Variants in ASPH observed in about 807,000 individuals in gnomAD.
ASPH encodes the protein aspartate beta-hydroxylase.
ASPH carries 100 observed loss-of-function variants against 118.4 expected under a neutral mutation model. That is an observed-to-expected ratio of 0.84 (90% CI 0.72 to 1.00). The LOEUF (loss-of-function observed/expected upper bound fraction) is 1.00. Among genes scored for constraint, ASPH ranks in the 50% least tolerant of loss-of-function variants. The pLI is 0.00. For synonymous variants in ASPH, 315 were observed against 325.6 expected (o/e 0.97, Z 0.35); for missense variants, 920 against 919.5 (o/e 1.00, Z -0.01).
chr8:61,638,686 G>A (rs1282324696), intron 10 of ASPH, among the ~76,000 whole-genome samples: 1 of 152,040 alleles, frequency 6.6e-6, no homozygotes, highest in East Asian at 1.9e-4. Context: ...GGTGTTCATG[G>A]GCAGATTCCC....
At chr8:61,553,259 A>G (rs1826670030) in intron 19 of ASPH, 139 bp from the exon 20 acceptor site, 1 of 616,972 alleles carries the variant, frequency 1.6e-6, no homozygotes, top group Admixed American at 3.0e-5. Context: ...AACTTTGGGA[A>G]TGAGGTTACT....
intron 15 of ASPH, chr8:61,578,946 T>G: frequency 6.2e-7 from 1 of 1,611,314 alleles, no homozygotes; most frequent in Non-Finnish European, 8.5e-7. Context: ...CTCGGACACA[T>G]CTGTGGTGCT....
At chr8:61,624,135 C>T in intron 13 of ASPH, 1 of 749,524 alleles carries the variant, frequency 1.3e-6, no homozygotes, top group Non-Finnish European at 1.6e-6. Context: ...TTACTATAGC[C>T]AACAATAATT....
Position 61,538,524 on chromosome 8 carries a change from A to G in ASPH, c.1764+9547T>C, listed in dbSNP as rs374403760. Among the ~76,000 whole-genome samples the G allele has an allele frequency of 4.6e-5, 7 of 152,214 alleles. No homozygotes were observed. The East Asian group carries it at 1.3e-3, about 29-fold the overall frequency. ...GCTTTCTCAAATTATTTCATTTCAA[A>G]AGCAGTCCAGTGAAAACATTCAAGT... On this transcript the variant is annotated intron_variant, in intron 21 of 24. Coordinates refer to ENST00000379454, the MANE Select transcript of ASPH (RefSeq NM_004318.4).
chr8:61,683,009 T>C (rs150892943), intron 2 of ASPH, among the ~76,000 whole-genome samples: 4 of 152,238 alleles, frequency 2.6e-5, no homozygotes, highest in Non-Finnish European at 5.9e-5. Flanking sequence ...TGTGCCCATA[T>C]GATGGAATAT....
chr8:61,588,500 C>T (rs1289355897), intron 14 of ASPH, among the ~76,000 whole-genome samples: 1 of 152,224 alleles, frequency 6.6e-6, no homozygotes, highest in Non-Finnish European at 1.5e-5. Flanking sequence ...CTTCACATTA[C>T]TCTATGTCCT....
chr8:61,612,397 A>G (rs1039507267), intron 14 of ASPH, among the ~76,000 whole-genome samples: 4 of 150,280 alleles, frequency 2.7e-5, no homozygotes, highest in South Asian at 2.1e-4. Flanking sequence ...TTTTTGAGCC[A>G]AAGTCTTGCT....
chr8:61,593,910 T>C (rs1841865393), intron 14 of ASPH, among the ~76,000 whole-genome samples: 1 of 152,218 alleles, frequency 6.6e-6, no homozygotes, highest in Non-Finnish European at 1.5e-5. Context: ...AAAATTCTAA[T>C]AATCTTGGTG....
At chr8:61,544,869 T>A (rs1167091575) in intron 21 of ASPH, among the ~76,000 whole-genome samples, 2 of 152,186 alleles carry the variant, frequency 1.3e-5, no homozygotes, top group East Asian at 3.8e-4. Flanking sequence ...TTTGGCTTTA[T>A]GCAAAGGACT....
intron 14 of ASPH, among the ~76,000 whole-genome samples, chr8:61,587,814 T>C (rs920227467): frequency 3.3e-5 from 5 of 152,160 alleles, no homozygotes; most frequent in Admixed American, 6.5e-5. Flanking sequence ...GAGGCAATTT[T>C]CCCAACTGCT....
chr8:61,557,334 C>T (rs914813534), intron 18 of ASPH, among the ~76,000 whole-genome samples: 2 of 152,116 alleles, frequency 1.3e-5, no homozygotes, highest in Admixed American at 6.5e-5. Context: ...CCTGCCCCTG[C>T]CCCTCCCAGC....
chr8:61,563,305 G>A (rs1307240690), intron 17 of ASPH, among the ~76,000 whole-genome samples: 10 of 151,992 alleles, frequency 6.6e-5, no homozygotes, highest in African/African-American at 1.9e-4. Flanking sequence ...TATGCAATTC[G>A]AAAAGGCACC....
At chr8:61,515,349 A>T (rs551962008) in intron 24 of ASPH, among the ~76,000 whole-genome samples, 1 of 152,246 alleles carries the variant, frequency 6.6e-6, no homozygotes, top group South Asian at 2.1e-4. Flanking sequence ...CCAGTGTAAG[A>T]CAAGATTCAT....
At chr8:61,625,561 T>A in intron 13 of ASPH, 2 of 985,074 alleles carry the variant, frequency 2.0e-6, no homozygotes, top group Non-Finnish European at 2.4e-6. Flanking sequence ...TCTTTTTCCT[T>A]GTGTCTTAAC....
chr8:61,704,022 C>T (rs1244786774), intron 1 of ASPH, among the ~76,000 whole-genome samples: 8 of 151,178 alleles, frequency 5.3e-5, no homozygotes, highest in African/African-American at 1.7e-4. Flanking sequence ...GGTGAAACCC[C>T]GTCTCTACTA....
intron 21 of ASPH, among the ~76,000 whole-genome samples, chr8:61,527,123 G>A (rs1815671410): frequency 1.3e-5 from 2 of 152,184 alleles, no homozygotes; most frequent in Admixed American, 1.3e-4. Flanking sequence ...TATTTTCAGT[G>A]ACTCAAGAGC....
At chr8:61,657,767 A>G (rs1292627866) in intron 3 of ASPH, 1 of 152,204 alleles carries the variant, frequency 6.6e-6, no homozygotes, top group Non-Finnish European at 1.5e-5. Flanking sequence ...ACTTCTCCTA[A>G]GAGTTATAAG....
At chr8:61,594,723 C>A (rs1218067539) in intron 14 of ASPH, among the ~76,000 whole-genome samples, 1 of 152,024 alleles carries the variant, frequency 6.6e-6, no homozygotes, top group African/African-American at 2.4e-5. Flanking sequence ...CTTACTGTGA[C>A]TAATTTATAG....
intron 1 of ASPH, among the ~76,000 whole-genome samples, chr8:61,702,941 G>A (rs2151877677): frequency 6.6e-6 from 1 of 152,234 alleles, no homozygotes; most frequent in East Asian, 1.9e-4. Context: ...GGAGAAGCAG[G>A]GGGAGAGGAT....
Sources: allele counts gnomAD v4.1 joint callset (sites outside exome capture counted in the v4.1 genomes callset), GRCh38; gene constraint gnomAD v4.1.1; transcripts MANE v1.5; gene names NCBI Gene and HGNC (gene_info 2026-07-23, HGNC 2026-07-21).